PDE10A: variants seen among roughly 807,000 people sequenced by gnomAD.
PDE10A encodes the protein phosphodiesterase 10A.
PDE10A carries 39 observed loss-of-function variants against 97.7 expected under a neutral mutation model. That is an observed-to-expected ratio of 0.40 (90% CI 0.31 to 0.52). The LOEUF (loss-of-function observed/expected upper bound fraction) is 0.52. PDE10A is among the 20% of genes least tolerant of loss of function. PDE10A has a pLI of 0.56. For missense variants in PDE10A, 731 were observed against 1,047.8 expected (o/e 0.70, Z 4.17); for synonymous variants, 371 against 376.8 (o/e 0.98, Z 0.18).
At chr6:165,916,910 C>T (rs928757385) in intron 1 of PDE10A, among the ~76,000 whole-genome samples, 5 of 152,144 alleles carry the variant, frequency 3.3e-5, no homozygotes, top group African/African-American at 1.2e-4. Flanking sequence ...CAGGCTCTCC[C>T]TCGCCCAGAC....
At chr6:165,772,873 G>A (rs1778053449) in intron 1 of PDE10A, among the ~76,000 whole-genome samples, 1 of 152,184 alleles carries the variant, frequency 6.6e-6, no homozygotes, top group Non-Finnish European at 1.5e-5. Context: ...TCCACTCCCT[G>A]CAAAATGCAG....
chr6:165,525,257 T>A (rs1223692895), intron 2 of PDE10A, among the ~76,000 whole-genome samples: 1 of 152,092 alleles, frequency 6.6e-6, no homozygotes, highest in Non-Finnish European at 1.5e-5. Flanking sequence ...ATTAAGGGTA[T>A]GGGATAATGG....
chr6:165,537,930 A>C (rs1218368776), intron 2 of PDE10A, among the ~76,000 whole-genome samples: 2 of 152,042 alleles, frequency 1.3e-5, no homozygotes, highest in Non-Finnish European at 2.9e-5. Flanking sequence ...ATATACTAAT[A>C]GTTAATATAT....
intron 10 of PDE10A, among the ~76,000 whole-genome samples, chr6:165,422,404 C>T (rs564594644): frequency 6.6e-4 from 95 of 144,094 alleles, no homozygotes; most frequent in African/African-American, 2.0e-3. Flanking sequence ...TACACACATA[C>T]GCATACACAC....
chr6:165,440,146 G>C (rs1403422193), intron 5 of PDE10A, among the ~76,000 whole-genome samples: 6 of 152,012 alleles, frequency 3.9e-5, no homozygotes, highest in African/African-American at 1.5e-4. Flanking sequence ...CATCTATGTA[G>C]ACGGCCGTAA....
intron 3 of PDE10A, among the ~76,000 whole-genome samples, chr6:165,452,215 G>T (rs1384077794): frequency 6.6e-6 from 1 of 152,206 alleles, no homozygotes; most frequent in African/African-American, 2.4e-5. Flanking sequence ...CCAGAAGATG[G>T]GATATTGATG....
intron 1 of PDE10A, among the ~76,000 whole-genome samples, chr6:165,930,013 T>A (rs966490937): frequency 1.4e-5 from 2 of 147,820 alleles, no homozygotes; most frequent in African/African-American, 2.5e-5. Flanking sequence ...TGCTCCCTAA[T>A]GACCAGGCAC....
At chr6:165,521,325 A>G (rs978483423) in intron 2 of PDE10A, among the ~76,000 whole-genome samples, 11 of 152,042 alleles carry the variant, frequency 7.2e-5, no homozygotes, top group African/African-American at 2.7e-4. Context: ...ACAACCCTAC[A>G]ATGGCCTCAA....
intron 1 of PDE10A, among the ~76,000 whole-genome samples, chr6:165,749,625 G>C (rs900681634): frequency 1.3e-5 from 2 of 152,194 alleles, no homozygotes; most frequent in Non-Finnish European, 2.9e-5. Flanking sequence ...ATATTTTTCT[G>C]TTGGATGCAC....
chr6:165,435,324 G>T lies in PDE10A; in HGVS notation c.1248C>A (p.Ile416=). 6.2e-7 allele frequency: 1 copy of T among 1,614,032 alleles called. No individual in the cohort carries two copies. Among genetic ancestry groups the T allele is most frequent in the Non-Finnish European group, 8.5e-7 (1 of 1,179,894 alleles). Residue 416 remains isoleucine (I), a synonymous_variant, in exon 6 of 22, where the codon ATC becomes ATA. Transcript: ENST00000539869. ...PGIKEGKPRL[I]PAGPITQGTT... is the part of the protein sequence containing the mutation. ...TGCCCTGAGTGATGGGCCCAGCAGGGATGAGGCGGGGTTTTCCTTCCTTTA... is the reference window on the plus strand; with the variant it reads ...TGCCCTGAGTGATGGGCCCAGCAGGTATGAGGCGGGGTTTTCCTTCCTTTA...
chr6:165,756,317 C>A (rs974328719), intron 1 of PDE10A, among the ~76,000 whole-genome samples: 18 of 152,130 alleles, frequency 1.2e-4, no homozygotes, highest in Non-Finnish European at 2.4e-4. Flanking sequence ...GGTAGGCATT[C>A]ACATTGTTCA....
chr6:165,689,196 G>C (rs1791203675), intron 1 of PDE10A, among the ~76,000 whole-genome samples: 1 of 152,186 alleles, frequency 6.6e-6, no homozygotes, highest in Non-Finnish European at 1.5e-5. Flanking sequence ...TCACATAACC[G>C]TTGTGGGGTT....
At chr6:165,658,899 C>T (rs1487020812) in intron 1 of PDE10A, among the ~76,000 whole-genome samples, 1 of 152,172 alleles carries the variant, frequency 6.6e-6, no homozygotes, top group Non-Finnish European at 1.5e-5. Flanking sequence ...CCACTGACCC[C>T]TGGGCATTAA....
intron 1 of PDE10A, among the ~76,000 whole-genome samples, chr6:165,675,530 G>A (rs754406006): frequency 1.7e-4 from 26 of 152,088 alleles, no homozygotes; most frequent in African/African-American, 2.7e-4. Flanking sequence ...TAAAATAGAC[G>A]TACAAATACT....
intron 13 of PDE10A, among the ~76,000 whole-genome samples, chr6:165,398,568 A>G (rs558311608): frequency 4.6e-5 from 7 of 151,802 alleles, no homozygotes; most frequent in South Asian, 2.1e-4. Context: ...CCTAACTACT[A>G]ATATGTTTGG....
chr6:165,616,080 T>C (rs1195356667), intron 1 of PDE10A, among the ~76,000 whole-genome samples: 2 of 152,214 alleles, frequency 1.3e-5, no homozygotes, highest in Non-Finnish European at 2.9e-5. Context: ...TTCAACCTAA[T>C]TCCTCTTTTT....
At chr6:165,854,065 A>G (rs1289284050) in intron 1 of PDE10A, among the ~76,000 whole-genome samples, 1 of 152,182 alleles carries the variant, frequency 6.6e-6, no homozygotes, top group Non-Finnish European at 1.5e-5. Flanking sequence ...CTGGACCCAG[A>G]CAGACGCGCG....
chr6:165,616,153 T>G (rs930163029), intron 1 of PDE10A, among the ~76,000 whole-genome samples: 6 of 152,028 alleles, frequency 3.9e-5, no homozygotes, highest in African/African-American at 1.4e-4. Flanking sequence ...TACTTGGCCC[T>G]ATTCGCATGA....
At chr6:165,509,096 C>T (rs890149921) in intron 2 of PDE10A, among the ~76,000 whole-genome samples, 5 of 151,852 alleles carry the variant, frequency 3.3e-5, no homozygotes, top group African/African-American at 4.8e-5. Context: ...CATGTCAAAG[C>T]GTATATTCAT....
Sources: allele counts gnomAD v4.1 joint callset (sites outside exome capture counted in the v4.1 genomes callset), GRCh38; gene constraint gnomAD v4.1.1; transcripts MANE v1.5; gene names NCBI Gene and HGNC (gene_info 2026-07-23, HGNC 2026-07-21).